Variants in GALK2 observed in about 807,000 individuals in gnomAD.
The protein encoded by GALK2 is N-acetylgalactosamine kinase.
GALK2 carries 36 observed loss-of-function variants against 52.4 expected under a neutral mutation model. That is an observed-to-expected ratio of 0.69 (90% confidence interval 0.53 to 0.91). The LOEUF (loss-of-function observed/expected upper bound fraction) is 0.91. GALK2 is among the 40% of genes least tolerant of loss of function. The pLI is 0.00. For missense variants in GALK2, 579 were observed against 559.1 expected, an observed-to-expected ratio of 1.04 and a Z score of -0.36; for synonymous variants, 176 against 199.1, an observed-to-expected ratio of 0.88 and a Z score of 0.98.
chr15:49,283,241 A>G (rs375662124), intron 6 of GALK2, among the ~76,000 whole-genome samples: 13 of 152,188 alleles, frequency 8.5e-5, no homozygotes, highest in Non-Finnish European at 1.8e-4. Context: ...TGGAACCTAC[A>G]GTAGGCTGTA....
At position 49,330,761 on chromosome 15, in the gene GALK2, GAGAA is replaced by G. The variant is rs1386026069; in HGVS notation, c.*2607_*2610del. On this transcript the variant is annotated 3_prime_UTR_variant, in exon 10 of 10. Transcript: ENST00000560031. ...GATAGACCAAAAAAAAAAAAAAAGA[GAGAA>G]AGAATGAATATTTTTGTGTGTGGAT... The G allele has an allele frequency of 1.3e-5, 2 of 151,308 alleles. No homozygotes were observed. Among genetic ancestry groups the G allele is most frequent in the Non-Finnish European group, 1.5e-5 (1 of 67,832 alleles). The allele number at this position is 151,308 out of a possible 1,614,324, so 9.4% of individuals were successfully genotyped here. A position where few individuals can be genotyped will look rare whatever the true frequency, so the allele number is the denominator to read the frequency against.
chr15:49,173,239 G>T (rs2085219462), intron 1 of GALK2, among the ~76,000 whole-genome samples: 1 of 152,174 alleles, frequency 6.6e-6, no homozygotes, highest in Non-Finnish European at 1.5e-5. Context: ...CATTTAACAT[G>T]TATCAGTATA....
chr15:49,271,741 A>G (rs1242526327), intron 5 of GALK2, among the ~76,000 whole-genome samples: 1 of 152,218 alleles, frequency 6.6e-6, no homozygotes, highest in Non-Finnish European at 1.5e-5. Flanking sequence ...TGGCATTACA[A>G]TTATTGGGCT....
chr15:49,223,813 A>G (rs1033034546), intron 3 of GALK2, among the ~76,000 whole-genome samples: 4 of 151,044 alleles, frequency 2.6e-5, no homozygotes, highest in African/African-American at 7.3e-5. Flanking sequence ...CGTTGATTCC[A>G]TGTGTTTGCT....
chr15:49,323,959 G>A (rs544696112), intron 9 of GALK2, among the ~76,000 whole-genome samples: 11 of 152,200 alleles, frequency 7.2e-5, no homozygotes, highest in African/African-American at 2.7e-4. Context: ...AGTATCTTTT[G>A]TAGCCAAACA....
At chr15:49,165,817 T>TTA (rs1321149095), upstream of GALK2, among the ~76,000 whole-genome samples, 1 of 150,480 alleles carries the variant, frequency 6.6e-6, no homozygotes, top group Non-Finnish European at 1.5e-5. Flanking sequence ...TTTTTTTTTT[T>TTA]ATTGAGACGG....
At chr15:49,350,696 G>GGT (rs1343261855) in intron 3 of GALK2, among the ~76,000 whole-genome samples, 1 of 152,128 alleles carries the variant, frequency 6.6e-6, no homozygotes, top group Non-Finnish European at 1.5e-5. Context: ...GACCTTGGTG[G>GGT]GTCTTCCTGC....
chr15:49,299,550 C>T (rs2034782787), intron 8 of GALK2, among the ~76,000 whole-genome samples: 1 of 151,978 alleles, frequency 6.6e-6, no homozygotes, highest in Non-Finnish European at 1.5e-5. Context: ...CTTAACACTA[C>T]TTTAGCTGTG....
chr15:49,286,984 C>G (rs1045323502), intron 7 of GALK2, among the ~76,000 whole-genome samples: 1 of 152,132 alleles, frequency 6.6e-6, no homozygotes, highest in African/African-American at 2.4e-5. Flanking sequence ...TGTGACTACT[C>G]TCCCAAAGAT....
chr15:49,283,535 T>C, intron 6 of GALK2, 31 bp from the exon 7 acceptor site: 1 of 1,560,012 alleles, frequency 6.4e-7, no homozygotes, highest in Non-Finnish European at 8.8e-7. Context: ...TCTAATAAAT[T>C]ATATTTCTCC....
intron 8 of GALK2, among the ~76,000 whole-genome samples, chr15:49,293,992 C>T (rs2034196579): frequency 6.6e-6 from 1 of 151,780 alleles, no homozygotes; most frequent in Non-Finnish European, 1.5e-5. Flanking sequence ...CCCAGCTAGT[C>T]AGGTGGCTGA....
chr15:49,286,377 A>G (rs10519221), intron 7 of GALK2, among the ~76,000 whole-genome samples: 28,180 of 151,976 alleles, frequency 0.19, 2,738 homozygotes, highest in Non-Finnish European at 0.21. Flanking sequence ...ACAAGTACCT[A>G]TTGTATGCTT....
intron 3 of GALK2, chr15:49,225,264 A>C (rs1338303981): frequency 6.6e-6 from 3 of 455,814 alleles, no homozygotes; most frequent in South Asian, 4.6e-5. Context: ...AGGCCACACC[A>C]TTCTTGGACT....
At chr15:49,182,714 T>G (rs2086065794) in intron 1 of GALK2, among the ~76,000 whole-genome samples, 1 of 152,228 alleles carries the variant, frequency 6.6e-6, no homozygotes. Flanking sequence ...CTTATTGCAG[T>G]TTTAATTTGC....
chr15:49,198,502 G>C (rs370456665), intron 1 of GALK2, among the ~76,000 whole-genome samples: 4 of 152,026 alleles, frequency 2.6e-5, no homozygotes, highest in African/African-American at 9.7e-5. Context: ...CATGTGTAGA[G>C]AACAGTTTTA....
chr15:49,230,692 C>T (rs995781983), intron 3 of GALK2, among the ~76,000 whole-genome samples: 6 of 152,160 alleles, frequency 3.9e-5, no homozygotes, highest in Non-Finnish European at 7.3e-5. Flanking sequence ...AATGGTCTAC[C>T]TACCCCAGGT....
Position 49,328,914 on chromosome 15 carries a change from T to G in GALK2, c.*755T>G, listed in dbSNP as rs2038031738. 1.6e-6 allele frequency: 2 copies of G among 1,224,806 alleles called. No individual in the cohort carries two copies. The highest frequency in any genetic ancestry group is 1.0e-6 in the Non-Finnish European group (1 of 975,650). 75.9% of individuals were successfully genotyped at this position (1,224,806 alleles called of 1,614,324 possible). ...ATCTCCATTACTTAATAGAAAAACT[T>G]AGATAAAAAACACTTTAAGACTCTT... On this transcript the variant is annotated 3_prime_UTR_variant, in exon 10 of 10. Transcript: ENST00000560031.
intron 3 of GALK2, among the ~76,000 whole-genome samples, chr15:49,229,700 G>GTGATT (rs2090394099): frequency 6.6e-6 from 1 of 152,172 alleles, no homozygotes; most frequent in Non-Finnish European, 1.5e-5. Flanking sequence ...AGTGAACCAA[G>GTGATT]CCACCTAGTG....
downstream of GALK2, among the ~76,000 whole-genome samples, chr15:49,332,692 A>C (rs1336304555): frequency 6.6e-6 from 1 of 152,240 alleles, no homozygotes; most frequent in African/African-American, 2.4e-5. Context: ...AATATTTAAA[A>C]ACTATTTTTC....
Sources: gnomAD v4.1 joint callset for allele counts (sites outside exome capture counted in the v4.1 genomes callset) on GRCh38, gnomAD v4.1.1 for gene constraint, MANE v1.5 for transcripts, NCBI Gene and HGNC (gene_info 2026-07-23, HGNC 2026-07-21) for gene names.